Variants in CUBN observed in about 807,000 individuals in gnomAD.
CUBN encodes 460 kDa receptor.
In CUBN, 282 loss-of-function variants were observed where a neutral mutation model predicts 405.3. The observed-to-expected ratio is 0.70, with a 90% CI of 0.63 to 0.77. CUBN has a LOEUF of 0.77. Ranked by LOEUF, CUBN falls within the 30% of genes least tolerant of loss-of-function variation. The pLI, the probability that CUBN is intolerant of heterozygous loss-of-function variation, is 0.00. For synonymous variants in CUBN, 1,684 were observed against 1,617.0 expected, an observed-to-expected ratio of 1.04 and a Z score of -0.99; for missense variants, 4,514 against 4,475.2, an observed-to-expected ratio of 1.01 and a Z score of -0.25.
At chr10:16,991,437 C>T (rs1338888721) in intron 28 of CUBN, among the ~76,000 whole-genome samples, 1 of 152,184 alleles carries the variant, frequency 6.6e-6, no homozygotes, top group African/African-American at 2.4e-5. Flanking sequence ...ACCGCACAGG[C>T]TCTCAAATCG....
intron 65 of CUBN, among the ~76,000 whole-genome samples, chr10:16,829,763 T>G (rs1204601912): frequency 6.6e-6 from 1 of 152,082 alleles, no homozygotes; most frequent in African/African-American, 2.4e-5. Context: ...TAATCTCACC[T>G]TCACCTCAGT....
intron 64 of CUBN, among the ~76,000 whole-genome samples, chr10:16,832,851 C>A (rs892738792): frequency 6.6e-6 from 1 of 152,106 alleles, no homozygotes; most frequent in Admixed American, 6.5e-5. Flanking sequence ...CCGTTCCCAC[C>A]GCAGTTCACA....
At chr10:16,995,698 A>G (rs1833713729) in intron 28 of CUBN, among the ~76,000 whole-genome samples, 1 of 152,164 alleles carries the variant, frequency 6.6e-6, no homozygotes, top group African/African-American at 2.4e-5. Context: ...AAGAGGAATT[A>G]CTGGTTAAAA....
rs1554788544 is a variant in CUBN at position 16,889,935 on chromosome 10, C to CAAAAAAAAAAAAAAAAAAAAAAAA, written c.8755+435_8755+436insTTTTTTTTTTTTTTTTTTTTTTTT. Reference sequence around the variant, plus strand: ...CTGGCGACAGAGTGAGACGCCGTGTCAAAAAAAAAAAAAAAAAACAGGAAA... The same window carrying CAAAAAAAAAAAAAAAAAAAAAAAA: ...CTGGCGACAGAGTGAGACGCCGTGTCAAAAAAAAAAAAAAAAAAAAAAAAAAAAAAAAAAAAAAAAAACAGGAAA... On this transcript the variant is annotated intron_variant, in intron 55 of 66. Coordinates refer to ENST00000377833, the MANE Select transcript of CUBN (RefSeq NM_001081.4). 5.5e-4 allele frequency among the ~76,000 whole-genome samples: 11 copies of CAAAAAAAAAAAAAAAAAAAAAAAA among 19,906 alleles called. 3 individuals are homozygous for CAAAAAAAAAAAAAAAAAAAAAAAA. The highest frequency in any genetic ancestry group is 2.1e-3 in the African/African-American group (10 of 4,828). The allele number at this position is 19,906 out of a possible 152,430, so 13.1% of individuals were successfully genotyped here.
intron 27 of CUBN, among the ~76,000 whole-genome samples, chr10:17,036,121 C>T (rs1834892139): frequency 6.6e-6 from 1 of 152,156 alleles, no homozygotes; most frequent in Non-Finnish European, 1.5e-5. Flanking sequence ...GGCTAGAGGG[C>T]TTGGCTACAC....
intron 37 of CUBN, 89 bp downstream of exon 37, chr10:16,939,943 G>C: frequency 9.0e-7 from 1 of 1,107,180 alleles, no homozygotes; most frequent in South Asian, 1.2e-5. Flanking sequence ...GTTTAGGATT[G>C]TTCTTGCTTA....
intron 26 of CUBN, among the ~76,000 whole-genome samples, chr10:17,041,615 T>A (rs1403800121): frequency 1.3e-5 from 2 of 152,086 alleles, no homozygotes; most frequent in Non-Finnish European, 2.9e-5. Flanking sequence ...TGTGCTGCTG[T>A]TTTTTTAATG....
chr10:17,044,992 A>T lies in CUBN; in HGVS notation c.3672+15T>A, dbSNP rs989005398. Reference sequence around the variant, plus strand: ...ATGGGAGCAGGGAACAATATGATGGAAACATTATACATACAGCCAGGTAAT... The same window carrying T: ...ATGGGAGCAGGGAACAATATGATGGTAACATTATACATACAGCCAGGTAAT... On this transcript the variant is annotated intron_variant, in intron 25 of 66. Coordinates refer to ENST00000377833, the MANE Select transcript of CUBN (RefSeq NM_001081.4). The T allele has an allele frequency of 3.1e-6, 5 of 1,612,272 alleles. No homozygotes were observed. Among genetic ancestry groups the T allele is most frequent in the Non-Finnish European group, 4.2e-6 (5 of 1,178,352 alleles).
At chr10:17,093,794 AG>A (rs1401911389) in intron 14 of CUBN, among the ~76,000 whole-genome samples, 1 of 152,186 alleles carries the variant, frequency 6.6e-6, no homozygotes, top group Non-Finnish European at 1.5e-5. Context: ...TAAAACTTAG[AG>A]GAAAAGGTTG....
At chr10:17,060,692 T>C (rs1278341507) in intron 22 of CUBN, among the ~76,000 whole-genome samples, 1 of 152,208 alleles carries the variant, frequency 6.6e-6, no homozygotes. Context: ...GAATCTCTCA[T>C]AGCAAAGAAT....
chr10:17,068,366 A>C (rs1392992195), intron 20 of CUBN, 86 bp from the exon 21 acceptor site: 13 of 1,360,754 alleles, frequency 9.6e-6, no homozygotes, highest in Non-Finnish European at 8.3e-6. Context: ...TAACCTCTTC[A>C]AAGATTAAAA....
At chr10:16,945,546 T>A (rs759537795) in intron 36 of CUBN, among the ~76,000 whole-genome samples, 7 of 152,004 alleles carry the variant, frequency 4.6e-5, no homozygotes, top group Non-Finnish European at 4.4e-5. Context: ...GGTGGGTGAA[T>A]TACTTGAAGT....
At chr10:16,876,727 T>A (rs192270167) in intron 57 of CUBN, among the ~76,000 whole-genome samples, 170 bp downstream of exon 57, 29 of 152,330 alleles carry the variant, frequency 1.9e-4, no homozygotes, top group African/African-American at 7.0e-4. Flanking sequence ...CTCTTCTTTT[T>A]AAGAAAAAAT....
intron 48 of CUBN, among the ~76,000 whole-genome samples, chr10:16,910,594 T>C (rs961420053): frequency 1.3e-5 from 2 of 152,102 alleles, no homozygotes; most frequent in Non-Finnish European, 2.9e-5. Context: ...CCAGTCATCC[T>C]TTCAGTAATT....
At chr10:16,832,071 A>T (rs2131305188) in intron 64 of CUBN, among the ~76,000 whole-genome samples, 1 of 152,352 alleles carries the variant, frequency 6.6e-6, no homozygotes, top group East Asian at 1.9e-4. Flanking sequence ...GAGTAGACAC[A>T]TATAAAAACA....
intron 14 of CUBN, among the ~76,000 whole-genome samples, chr10:17,095,637 C>G (rs141574398): frequency 2.8e-4 from 43 of 151,924 alleles, no homozygotes; most frequent in African/African-American, 9.4e-4. Flanking sequence ...AAAAGGGAAC[C>G]CTTGTTGAAA....
rs569009889 is a variant in CUBN, at chr10:17,116,058, G to C, written c.594-461C>G. ...TATATAACCCCACACGCAATCCAGT[G>C]TCCACACCTCACAGTCTATGATCAT... On this transcript the variant is annotated intron_variant, in intron 6 of 66. Transcript: ENST00000377833. Among the ~76,000 whole-genome samples the C allele has an allele frequency of 2.6e-5, 4 of 152,268 alleles. No homozygotes were observed. The South Asian group carries it at 8.3e-4, about 32-fold the overall frequency.
intron 62 of CUBN, among the ~76,000 whole-genome samples, chr10:16,839,837 C>A (rs1287165985): frequency 6.6e-6 from 1 of 151,816 alleles, no homozygotes; most frequent in Admixed American, 6.6e-5. Context: ...CAATGATAGA[C>A]CGGATTAAGA....
intron 39 of CUBN, among the ~76,000 whole-genome samples, chr10:16,934,525 C>A (rs1842447129): frequency 6.6e-6 from 1 of 152,132 alleles, no homozygotes. Context: ...CCAGTATCTT[C>A]AAATTTTAAG....
Sources: gnomAD v4.1 joint callset for allele counts (sites outside exome capture counted in the v4.1 genomes callset) on GRCh38, gnomAD v4.1.1 for gene constraint, MANE v1.5 for transcripts, NCBI Gene and HGNC (gene_info 2026-07-23, HGNC 2026-07-21) for gene names.